The following UBL7 variants were observed in gnomAD, a reference collection of about 807,000 sequenced individuals.
UBL7 encodes ubiquitin like 7.
UBL7 carries 21 observed loss-of-function variants against 41.7 expected under a neutral mutation model. The observed-to-expected ratio is 0.50, with a 90% CI of 0.36 to 0.73. The LOEUF is 0.73. UBL7 is among the 30% of genes least tolerant of loss of function. The pLI, the probability that UBL7 is intolerant of heterozygous loss-of-function variation, is 0.00. For synonymous variants in UBL7, 157 were observed against 186.9 expected (o/e 0.84, Z 1.31); for missense variants, 403 against 478.4 (o/e 0.84, Z 1.47).
intron 3 of UBL7, among the ~76,000 whole-genome samples, chr15:74,452,581 T>G (rs562922893): frequency 6.6e-6 from 1 of 152,316 alleles, no homozygotes; most frequent in South Asian, 2.1e-4. Flanking sequence ...ATCTTTACAT[T>G]CACTTGTAAG....
chr15:74,459,036 T>C, intron 1 of UBL7, 140 bp from the exon 2 acceptor site: 3 of 746,496 alleles, frequency 4.0e-6, no homozygotes, highest in Non-Finnish European at 6.4e-6. Flanking sequence ...AGGCCAGAAC[T>C]AGAATCTGGG....
intron 4 of UBL7, among the ~76,000 whole-genome samples, 193 bp from the exon 5 acceptor site, chr15:74,451,713 T>C (rs1474596549): frequency 7.0e-6 from 1 of 142,866 alleles, no homozygotes; most frequent in Non-Finnish European, 1.5e-5. Flanking sequence ...ACAAACAATT[T>C]AAAAAAAAAA....
intron 10 of UBL7, among the ~76,000 whole-genome samples, chr15:74,447,121 T>C (rs1019771039): frequency 3.9e-5 from 6 of 152,182 alleles, no homozygotes; most frequent in Non-Finnish European, 7.3e-5. Context: ...ACAGGGGAGA[T>C]GCAAGAATGG....
At position 74,449,201 on chromosome 15, in the gene UBL7, C is replaced by T. The variant is rs377235354; in HGVS notation, c.867G>A (p.Pro289=). 4.9e-5 allele frequency: 76 copies of T among 1,556,888 alleles called. No homozygotes were observed. The highest frequency in any genetic ancestry group is 2.6e-4 in the African/African-American group (19 of 72,904). Residue 289 remains proline, a synonymous_variant, in exon 9 of 11, where the codon CCG becomes CCA. Coordinates refer to ENST00000395081, the MANE Select transcript of UBL7 (RefSeq NM_032907.5). Reference sequence around the variant, plus strand: ...GTCTTCATACCTGGGTGCCAGGAGTCGGTGTGTGAGAGCTGCTCTCCGGAG... The same window carrying T: ...GTCTTCATACCTGGGTGCCAGGAGTTGGTGTGTGAGAGCTGCTCTCCGGAG... ...ASTPESSSHT[P]TPGTQGHSSG... is the part of the protein sequence containing the mutation.
Position 74,449,365 on chromosome 15 carries a change from A to C in UBL7, c.715-12T>G. ...GTGGACCTGGTGTTCTGGAGAAAGA[A>C]GACACTCAGAATCAGGGAAGCAGTA... On this transcript the variant is annotated splice_polypyrimidine_tract_variant and intron_variant, in intron 8 of 10. Transcript: ENST00000395081. The C allele has an allele frequency of 5.6e-6, 9 of 1,613,880 alleles. No individual in the cohort carries two copies. The highest frequency in any genetic ancestry group is 1.7e-4 in the Middle Eastern group (1 of 6,056).
At chr15:74,454,606 C>G (rs1407178632) in intron 3 of UBL7, among the ~76,000 whole-genome samples, 1 of 152,128 alleles carries the variant, frequency 6.6e-6, no homozygotes, top group Non-Finnish European at 1.5e-5. Context: ...CCATGTTGGT[C>G]AGGCTTGTCT....
At chr15:74,451,181 T>C (rs2061242311) in intron 5 of UBL7, among the ~76,000 whole-genome samples, 1 of 152,170 alleles carries the variant, frequency 6.6e-6, no homozygotes, top group Non-Finnish European at 1.5e-5. Context: ...CTGATTGCTG[T>C]GATGTGGGCT....
At chr15:74,459,583 C>T (rs1392193483) in intron 1 of UBL7, among the ~76,000 whole-genome samples, 7 of 151,488 alleles carry the variant, frequency 4.6e-5, no homozygotes, top group African/African-American at 7.3e-5. Context: ...TCCCAAAGTG[C>T]TGGGATTACA....
chr15:74,453,042 C>G (rs1198324958), intron 3 of UBL7, among the ~76,000 whole-genome samples: 9 of 152,130 alleles, frequency 5.9e-5, no homozygotes, highest in Non-Finnish European at 1.2e-4. Context: ...TATGGTTATC[C>G]TCACGAAGGA....
intron 1 of UBL7, among the ~76,000 whole-genome samples, chr15:74,459,490 T>TG (rs71137388): frequency 6.6e-6 from 1 of 150,412 alleles, no homozygotes; most frequent in Non-Finnish European, 1.5e-5. Flanking sequence ...TTTTTTTTTT[T>TG]GTACTTTTAG....
chr15:74,455,598 G>A (rs113808217), intron 3 of UBL7, among the ~76,000 whole-genome samples: 166 of 152,152 alleles, frequency 1.1e-3, no homozygotes, highest in African/African-American at 3.8e-3. Flanking sequence ...AATAACAAAA[G>A]GATACAAAGT....
intron 2 of UBL7, among the ~76,000 whole-genome samples, chr15:74,457,235 C>T (rs1042626824): frequency 4.6e-5 from 7 of 152,140 alleles, no homozygotes; most frequent in African/African-American, 1.4e-4. Flanking sequence ...GCCGACATGG[C>T]GAAACCTGGG....
intron 3 of UBL7, among the ~76,000 whole-genome samples, chr15:74,454,082 C>T (rs2061273109): frequency 6.6e-6 from 1 of 152,188 alleles, no homozygotes; most frequent in African/African-American, 2.4e-5. Flanking sequence ...AGGAAAACCC[C>T]TGGTCCATAT....
intron 10 of UBL7, among the ~76,000 whole-genome samples, chr15:74,447,016 A>T (rs1406614662): frequency 1.3e-5 from 2 of 152,234 alleles, no homozygotes; most frequent in Non-Finnish European, 2.9e-5. Flanking sequence ...GGGCTTAAAA[A>T]AAATGCACAC....
At position 74,461,091 on chromosome 15, in the gene UBL7, G is replaced by A. The variant is rs1289365054; in HGVS notation, c.-84C>T. On this transcript the variant is annotated 5_prime_UTR_variant, in exon 1 of 11. Transcript: ENST00000395081. The stretch of plus-strand genomic sequence containing the variant: ...CACACATCGAGCCCGCGCTGCCCAG[G>A]GCCCCAGCGCCCTCACCCGTCCCGC... 2.0e-6 allele frequency: 2 copies of A among 1,005,704 alleles called. No individual in the cohort carries two copies. The highest frequency in any genetic ancestry group is 3.5e-5 in the African/African-American group (2 of 57,420). The allele number at this position is 1,005,704 out of a possible 1,614,324, so 62.3% of individuals were successfully genotyped here.
chr15:74,452,472 C>T, intron 3 of UBL7, 94 bp from the exon 4 acceptor site: 1 of 1,293,562 alleles, frequency 7.7e-7, no homozygotes, highest in Non-Finnish European at 1.1e-6. Context: ...CAAGGAGCAG[C>T]CTGGTCTGTG....
chr15:74,456,270 C>G (rs2061293464), intron 3 of UBL7, among the ~76,000 whole-genome samples: 1 of 152,146 alleles, frequency 6.6e-6, no homozygotes, highest in African/African-American at 2.4e-5. Context: ...TGCCACTGCA[C>G]TCCAGCCTGG....
At chr15:74,460,855 C>T in intron 1 of UBL7, 182 bp downstream of exon 1, 2 of 1,198,894 alleles carry the variant, frequency 1.7e-6, no homozygotes, top group African/African-American at 1.6e-5. Flanking sequence ...TCTTCCACCT[C>T]AAGTTTATGC....
At chr15:74,456,812 AC>A in intron 2 of UBL7, 141 bp from the exon 3 acceptor site, 1 of 1,053,658 alleles carries the variant, frequency 9.5e-7, no homozygotes, top group Non-Finnish European at 1.3e-6. Context: ...CTTAACAAAT[AC>A]TTTTTTTTTT....
Sources: allele counts gnomAD v4.1 joint callset (sites outside exome capture counted in the v4.1 genomes callset), GRCh38; gene constraint gnomAD v4.1.1; transcripts MANE v1.5; gene names NCBI Gene and HGNC (gene_info 2026-07-23, HGNC 2026-07-21).